The following MMP16 variants were observed in gnomAD, a reference collection of about 807,000 sequenced individuals.
The protein encoded by MMP16 is matrix metallopeptidase 16.
Under a neutral mutation model 67.8 loss-of-function variants are expected in MMP16, and 12 were observed. The observed-to-expected ratio is 0.18, with a 90% confidence interval of 0.11 to 0.29. MMP16 has a LOEUF of 0.29. MMP16 is among the 10% of genes least tolerant of loss of function. The pLI is 1.00. For missense variants in MMP16, 475 were observed against 765.7 expected, an observed-to-expected ratio of 0.62 and a Z score of 4.48; for synonymous variants, 249 against 255.9, an observed-to-expected ratio of 0.97 and a Z score of 0.26.
At chr8:88,263,840 A>C (rs1363850955) in intron 1 of MMP16, among the ~76,000 whole-genome samples, 4 of 152,118 alleles carry the variant, frequency 2.6e-5, no homozygotes, top group Non-Finnish European at 4.4e-5. Context: ...TTGTAGGGTC[A>C]CAATTCAATC....
Position 88,034,901 on chromosome 8 carries a change from C to T in MMP16, c.*6560G>A, listed in dbSNP as rs1808034931. The T allele has an allele frequency of 6.6e-6, 1 of 152,004 alleles. No homozygotes were observed. Among genetic ancestry groups the T allele is most frequent in the South Asian group, 2.1e-4 (1 of 4,830 alleles). 9.4% of individuals were successfully genotyped at this position (152,004 alleles called of 1,614,324 possible). ...CACCATATCCTATCCTAGGAAAATG[C>T]ATCCTACCATGCAGTCACATCTCAC... On this transcript the variant is annotated 3_prime_UTR_variant, in exon 10 of 10. Transcript: ENST00000286614.
At chr8:88,313,523 C>T (rs140222679) in intron 1 of MMP16, among the ~76,000 whole-genome samples, 232 of 152,296 alleles carry the variant, frequency 1.5e-3, no homozygotes, top group Middle Eastern at 3.4e-3. Context: ...TTTGATTATG[C>T]TGTGCCTTAC....
At chr8:88,237,792 CT>C (rs2129891340) in intron 1 of MMP16, among the ~76,000 whole-genome samples, 1 of 152,290 alleles carries the variant, frequency 6.6e-6, no homozygotes, top group South Asian at 2.1e-4. Flanking sequence ...TTCTCAAAGA[CT>C]GAAAATGCAT....
chr8:88,152,410 A>G (rs1190521689), intron 4 of MMP16, among the ~76,000 whole-genome samples: 12 of 108,968 alleles, frequency 1.1e-4, no homozygotes, highest in African/African-American at 4.1e-4. Flanking sequence ...AGACACAACC[A>G]AAAAAGAGAA....
chr8:88,108,258 C>A (rs1011684047), intron 6 of MMP16, among the ~76,000 whole-genome samples: 1 of 151,242 alleles, frequency 6.6e-6, no homozygotes. Flanking sequence ...CAGCAACTCT[C>A]TTCATAAAGA....
chr8:88,272,428 C>A (rs1190783601), intron 1 of MMP16, among the ~76,000 whole-genome samples: 4 of 152,108 alleles, frequency 2.6e-5, no homozygotes, highest in African/African-American at 9.7e-5. Flanking sequence ...CATCTTGAAT[C>A]CTATTTTGTT....
intron 3 of MMP16, among the ~76,000 whole-genome samples, chr8:88,180,989 C>A (rs1170921350): frequency 1.3e-5 from 2 of 152,038 alleles, no homozygotes; most frequent in Non-Finnish European, 2.9e-5. Context: ...AATCCAACGC[C>A]CATTCACAAT....
At chr8:88,228,377 T>A (rs944454780) in intron 1 of MMP16, among the ~76,000 whole-genome samples, 2 of 152,120 alleles carry the variant, frequency 1.3e-5, no homozygotes, top group Admixed American at 1.3e-4. Context: ...AAATGATCAC[T>A]GATACTTTTT....
intron 9 of MMP16, among the ~76,000 whole-genome samples, chr8:88,044,232 G>T (rs986284187): frequency 2.6e-5 from 4 of 152,164 alleles, no homozygotes; most frequent in Non-Finnish European, 5.9e-5. Flanking sequence ...GATTGCTTGA[G>T]CCCAGGAGTT....
chr8:88,166,483 A>T (rs1288638894), intron 4 of MMP16, among the ~76,000 whole-genome samples: 1 of 151,648 alleles, frequency 6.6e-6, no homozygotes, highest in African/African-American at 2.4e-5. Flanking sequence ...ACTAAAAGTT[A>T]TTGAGATTTT....
At chr8:88,290,324 G>A (rs943046922) in intron 1 of MMP16, among the ~76,000 whole-genome samples, 5 of 152,150 alleles carry the variant, frequency 3.3e-5, no homozygotes, top group Admixed American at 6.5e-5. Context: ...AGGCCGAGGC[G>A]GGTGGATCAC....
At position 88,073,327 on chromosome 8, in the gene MMP16, CA is replaced by C. The variant is rs904748057; in HGVS notation, c.1222+1277del. On this transcript the variant is annotated intron_variant, in intron 7 of 9. Transcript: ENST00000286614. ...AGAAAATTAATAGCAATCTTACTAG[CA>C]GCAGCAGGAATAGCTGGCATTTATT... Among the ~76,000 whole-genome samples, 44 of 152,198 alleles carry C rather than the reference CA, an allele frequency of 2.9e-4. 1 individual carries two copies. Among genetic ancestry groups the C allele is most frequent in the African/African-American group, 1.0e-3 (42 of 41,460 alleles).
At position 88,327,371 on chromosome 8, in the gene MMP16, G is replaced by A. The variant is rs558766163; in HGVS notation, c.-165C>T. Reference sequence around the variant, plus strand: ...GGGAGGAGACAGGGGCCCCGCGCTCGGCAGCCCCCGAGAGGCAGCGGCGAA... The same window carrying A: ...GGGAGGAGACAGGGGCCCCGCGCTCAGCAGCCCCCGAGAGGCAGCGGCGAA... On this transcript the variant is annotated 5_prime_UTR_variant, in exon 1 of 10. Transcript: ENST00000286614. 2 of 765,258 alleles carry A rather than the reference G, an allele frequency of 2.6e-6. No individual in the cohort carries two copies. The highest frequency in any genetic ancestry group is 4.1e-6 in the Non-Finnish European group (2 of 484,554). 47.4% of individuals were successfully genotyped at this position (765,258 alleles called of 1,614,324 possible).
At chr8:88,084,864 C>T (rs1379722712) in intron 6 of MMP16, among the ~76,000 whole-genome samples, 1 of 151,820 alleles carries the variant, frequency 6.6e-6, no homozygotes, top group Non-Finnish European at 1.5e-5. Context: ...AAATACTATT[C>T]TAACTAGTGA....
chr8:88,175,706 G>A (rs1244644725), intron 3 of MMP16, among the ~76,000 whole-genome samples: 1 of 152,044 alleles, frequency 6.6e-6, no homozygotes, highest in Admixed American at 6.6e-5. Flanking sequence ...TAGTGATAGG[G>A]TTTGGCTATG....
chr8:88,290,326 G>A (rs1360006381), intron 1 of MMP16, among the ~76,000 whole-genome samples: 1 of 152,082 alleles, frequency 6.6e-6, no homozygotes, highest in African/African-American at 2.4e-5. Context: ...GCCGAGGCGG[G>A]TGGATCACGA....
chr8:88,045,979 A>T (rs560747538), intron 9 of MMP16, among the ~76,000 whole-genome samples: 80 of 152,248 alleles, frequency 5.3e-4, no homozygotes, highest in African/African-American at 1.8e-3. Flanking sequence ...ATTCAATTTC[A>T]AATTATTATT....
chr8:88,164,384 T>C (rs1519938), intron 4 of MMP16, among the ~76,000 whole-genome samples: 68,318 of 151,790 alleles, frequency 0.45, 15,568 homozygotes, highest in East Asian at 0.48. Context: ...GTTTCACACA[T>C]AGTTAGAATC....
intron 1 of MMP16, among the ~76,000 whole-genome samples, chr8:88,201,459 C>A (rs1276462944): frequency 6.6e-6 from 1 of 151,952 alleles, no homozygotes; most frequent in Admixed American, 6.6e-5. Flanking sequence ...TAGAAAAGTG[C>A]AAAGGTGATA....
Sources: gnomAD v4.1 joint callset for allele counts (sites outside exome capture counted in the v4.1 genomes callset) on GRCh38, gnomAD v4.1.1 for gene constraint, MANE v1.5 for transcripts, NCBI Gene and HGNC (gene_info 2026-07-23, HGNC 2026-07-21) for gene names.